The following PTGFR variants were observed in gnomAD, a reference collection of about 807,000 sequenced individuals.
The protein encoded by PTGFR is prostaglandin F2-alpha receptor.
PTGFR carries 15 observed loss-of-function variants against 26.2 expected under a neutral mutation model. That is an observed-to-expected ratio of 0.57 (90% CI 0.38 to 0.88). PTGFR has a LOEUF of 0.88. Among genes scored for constraint, PTGFR ranks in the 40% least tolerant of loss-of-function variants. The pLI is 0.00. For missense variants in PTGFR, 369 were observed against 427.2 expected, an observed-to-expected ratio of 0.86 and a Z score of 1.20; for synonymous variants, 165 against 151.1, an observed-to-expected ratio of 1.09 and a Z score of -0.68.
At chr1:78,492,016 A>C (rs1230579572) in intron 1 of PTGFR, among the ~76,000 whole-genome samples, 2 of 152,188 alleles carry the variant, frequency 1.3e-5, no homozygotes, top group African/African-American at 2.4e-5. Context: ...CCTCATCGCG[A>C]ATCAGAATTT....
At chr1:78,519,503 C>A (rs1650173526) in intron 2 of PTGFR, among the ~76,000 whole-genome samples, 1 of 152,036 alleles carries the variant, frequency 6.6e-6, no homozygotes, top group South Asian at 2.1e-4. Context: ...CTGTTATGGC[C>A]ATGATTCCAT....
chr1:78,534,104 G>T (rs887653029), intron 2 of PTGFR, among the ~76,000 whole-genome samples: 1 of 152,132 alleles, frequency 6.6e-6, no homozygotes, highest in African/African-American at 2.4e-5. Context: ...CAACTGTAAT[G>T]TGCCAATGTT....
At chr1:78,511,783 T>A (rs1001763660) in intron 2 of PTGFR, among the ~76,000 whole-genome samples, 1 of 152,018 alleles carries the variant, frequency 6.6e-6, no homozygotes, top group African/African-American at 2.4e-5. Context: ...CAAATGTTTA[T>A]CCTCTGCTTC....
At chr1:78,492,439 T>C (rs912530349) in intron 1 of PTGFR, among the ~76,000 whole-genome samples, 3 of 152,184 alleles carry the variant, frequency 2.0e-5, no homozygotes, top group Middle Eastern at 3.2e-3. Context: ...GAGGTGCTCA[T>C]TTGCAGAGGG....
chr1:78,522,298 G>A lies in PTGFR; in HGVS notation c.799-14108G>A, dbSNP rs548708194. ...CTAGAGAAAGTTATCTGCCTTTAAA[G>A]GGACTCATGTGATTAAATTAGTCCC... On this transcript the variant is annotated intron_variant, in intron 2 of 2. Coordinates refer to ENST00000370757, the MANE Select transcript of PTGFR (RefSeq NM_000959.4). Among the ~76,000 whole-genome samples, 5 of 152,102 alleles carry A rather than the reference G, an allele frequency of 3.3e-5. No individual in the cohort carries two copies. In the East Asian group the frequency reaches 7.7e-4, roughly 24 times the overall value.
intron 2 of PTGFR, among the ~76,000 whole-genome samples, chr1:78,503,046 T>C (rs1649747897): frequency 6.6e-6 from 1 of 152,110 alleles, no homozygotes; most frequent in Admixed American, 6.6e-5. Flanking sequence ...CGAAAGTCAA[T>C]TAATGTAAGC....
intron 2 of PTGFR, among the ~76,000 whole-genome samples, chr1:78,510,617 C>A (rs1020389188): frequency 3.9e-5 from 6 of 152,134 alleles, no homozygotes; most frequent in African/African-American, 1.4e-4. Flanking sequence ...TTGGAGGGGA[C>A]AAACACACAA....
chr1:78,504,684 C>T (rs1041889308), intron 2 of PTGFR, among the ~76,000 whole-genome samples: 8 of 152,032 alleles, frequency 5.3e-5, no homozygotes, highest in African/African-American at 1.9e-4. Context: ...GCAATTTTCC[C>T]CATTCATCAT....
intron 2 of PTGFR, among the ~76,000 whole-genome samples, chr1:78,510,847 T>TAAAC (rs1478001347): frequency 6.6e-6 from 1 of 152,084 alleles, no homozygotes. Context: ...AAGCATTAGG[T>TAAAC]AAACATTCTC....
chr1:78,536,554 A>C lies in PTGFR; in HGVS notation c.947A>C (p.Tyr316Ser), dbSNP rs762993643. The C allele has an allele frequency of 5.0e-6, 8 of 1,613,328 alleles. No homozygotes were observed. The African/African-American group carries it at 1.1e-4, about 22-fold the overall frequency. Residue 316 changes from tyrosine (Y) to serine (S), a missense_variant, in exon 3 of 3, where the codon TAT (tyrosine) becomes TCT (serine). Coordinates refer to ENST00000370757, the MANE Select transcript of PTGFR (RefSeq NM_000959.4). ...LLRKAVLKNL[Y>S]KLASQCCGVH... ...CGAAAGGCTGTCCTTAAGAATCTCT[A>C]TAAGCTTGCCAGTCAATGCTGTGGA...
intron 2 of PTGFR, among the ~76,000 whole-genome samples, chr1:78,522,296 A>G (rs976343859): frequency 2.6e-5 from 4 of 152,044 alleles, no homozygotes; most frequent in African/African-American, 9.7e-5. Flanking sequence ...TCTGCCTTTA[A>G]AGGGACTCAT....
At chr1:78,535,921 T>C (rs1650638952) in intron 2 of PTGFR, among the ~76,000 whole-genome samples, 1 of 152,176 alleles carries the variant, frequency 6.6e-6, no homozygotes, top group South Asian at 2.1e-4. Flanking sequence ...GACAGTGGTA[T>C]CCTTGTAGTT....
chr1:78,495,498 G>A (rs942229504), intron 2 of PTGFR, among the ~76,000 whole-genome samples: 5 of 151,462 alleles, frequency 3.3e-5, no homozygotes, highest in Admixed American at 2.6e-4. Context: ...AGTGAGAAAA[G>A]AAGTGGCTAA....
intron 2 of PTGFR, among the ~76,000 whole-genome samples, chr1:78,500,183 A>G (rs911379673): frequency 6.6e-6 from 1 of 152,200 alleles, no homozygotes; most frequent in Non-Finnish European, 1.5e-5. Context: ...TCTGTGGTAA[A>G]TATGGAAATT....
chr1:78,532,744 T>C (rs1355355621), intron 2 of PTGFR, among the ~76,000 whole-genome samples: 1 of 151,726 alleles, frequency 6.6e-6, no homozygotes, highest in African/African-American at 2.4e-5. Context: ...GTAAATTCAT[T>C]AATATCGAGT....
chr1:78,511,263 G>T (rs536880265), intron 2 of PTGFR, among the ~76,000 whole-genome samples: 2 of 152,202 alleles, frequency 1.3e-5, no homozygotes, highest in Admixed American at 6.5e-5. Context: ...GCTTTCTGTG[G>T]GGGCCCTTCC....
At chr1:78,528,762 C>T (rs1650436192) in intron 2 of PTGFR, among the ~76,000 whole-genome samples, 1 of 151,792 alleles carries the variant, frequency 6.6e-6, no homozygotes, top group African/African-American at 2.4e-5. Context: ...AGATAGGTCC[C>T]AAAACAGTGA....
chr1:78,491,401 G>C (rs936587806), intron 1 of PTGFR, among the ~76,000 whole-genome samples, 165 bp downstream of exon 1: 3 of 152,204 alleles, frequency 2.0e-5, no homozygotes, highest in Admixed American at 6.5e-5. Flanking sequence ...AGAGAAAGAA[G>C]GGTACTCGAG....
intron 2 of PTGFR, among the ~76,000 whole-genome samples, chr1:78,535,611 T>C (rs1650625797): frequency 6.6e-6 from 1 of 152,198 alleles, no homozygotes; most frequent in Non-Finnish European, 1.5e-5. Context: ...CCACCTTATT[T>C]GTTCCACAAC....
Sources: allele counts gnomAD v4.1 joint callset (sites outside exome capture counted in the v4.1 genomes callset), GRCh38; gene constraint gnomAD v4.1.1; transcripts MANE v1.5; gene names NCBI Gene and HGNC (gene_info 2026-07-23, HGNC 2026-07-21).